Variants in BAIAP3 observed in about 807,000 individuals in gnomAD.
BAIAP3 encodes BAI1 associated protein 3, also known as BAI1-associated protein 3.
Under a neutral mutation model 149.7 loss-of-function variants are expected in BAIAP3, and 180 were observed. That is an observed-to-expected ratio of 1.20 (90% CI 1.07 to 1.36). The LOEUF is 1.36. BAIAP3 is among the 40% of genes most tolerant of loss of function. The probability of loss-of-function intolerance (pLI) is 0.00; values close to 1 mark genes in which losing one functional copy is unlikely to be tolerated. For missense variants in BAIAP3, 1,767 were observed against 1,563.4 expected (o/e 1.13, Z -2.20); for synonymous variants, 845 against 670.7 (o/e 1.26, Z -4.02).
chr16:1,347,147 A>G (rs1363826225), intron 28 of BAIAP3, 151 bp from the exon 29 acceptor site: 1 of 927,636 alleles, frequency 1.1e-6, no homozygotes. Context: ...GCTTCCTGGG[A>G]GCTTCCGATG....
At chr16:1,336,711 T>G (rs2033478653) in intron 1 of BAIAP3, among the ~76,000 whole-genome samples, 1 of 152,196 alleles carries the variant, frequency 6.6e-6, no homozygotes. Flanking sequence ...ATGAGTCTAG[T>G]GCCACTGTGG....
chr16:1,340,502 C>T (rs1280491758), intron 5 of BAIAP3, among the ~76,000 whole-genome samples: 2 of 148,780 alleles, frequency 1.3e-5, no homozygotes, highest in Non-Finnish European at 3.0e-5. Flanking sequence ...CACAGACACA[C>T]GCACACAGGC....
In BAIAP3 at chr16:1,339,540, C is replaced by A. The variant is rs762839563; in HGVS notation, c.345C>A (p.Arg115=). 6.2e-7 allele frequency: 1 copy of A among 1,612,582 alleles called. No individual in the cohort carries two copies. The highest frequency in any genetic ancestry group is 2.2e-5 in the East Asian group (1 of 44,878). ...AGGCCCTGTACACGGTGCTTTACCGCGCGGGTACCATGGGCCCTGACCAGG... is the reference window on the plus strand; with the variant it reads ...AGGCCCTGTACACGGTGCTTTACCGAGCGGGTACCATGGGCCCTGACCAGG... The part of the protein sequence containing the change: ...YEEALYTVLY[R]AGTMGPDQVD... Residue 115 remains arginine, a synonymous_variant, in exon 5 of 34, where the codon CGC becomes CGA. Transcript: ENST00000426824.
In BAIAP3 at chr16:1,345,842, G is replaced by A. The variant is rs575867302; in HGVS notation, c.2160G>A (p.Ala720=). 2.3e-5 allele frequency: 36 copies of A among 1,579,572 alleles called. No homozygotes were observed. The Admixed American group carries it at 2.4e-4, about 10-fold the overall frequency. Residue 720 remains alanine, a synonymous_variant, in exon 23 of 34, where the codon GCG becomes GCA. Coordinates refer to ENST00000426824, the MANE Select transcript of BAIAP3 (RefSeq NM_001199097.2). Reference sequence around the variant, plus strand: ...TCCAGGAGTTGTGGGTGCGCCTGGCGTGGCCTGACCCTGCCCAGGCTCAGG... The same window carrying A: ...TCCAGGAGTTGTGGGTGCGCCTGGCATGGCCTGACCCTGCCCAGGCTCAGG... The part of the protein sequence containing the change: ...SHIQELWVRL[A]WPDPAQAQGL...
At position 1,343,393 on chromosome 16, in the gene BAIAP3, G is replaced by T. The variant is rs1344382671; in HGVS notation, c.1266G>T (p.Leu422=). The T allele has an allele frequency of 6.4e-7, 1 of 1,570,908 alleles. No homozygotes were observed. Among genetic ancestry groups the T allele is most frequent in the Non-Finnish European group, 8.6e-7 (1 of 1,160,012 alleles). Residue 422 remains leucine, a splice_region_variant and synonymous_variant, in exon 15 of 34, where the codon CTG becomes CTT. Transcript: ENST00000426824. ...TTTGACCATGGGCCGGGCCCCACAGGCACTGGCAGGTCAGCAGCCGCCACC... is the reference window on the plus strand; with the variant it reads ...TTTGACCATGGGCCGGGCCCCACAGTCACTGGCAGGTCAGCAGCCGCCACC... ...SNLSPLQLAV[L]HWQVSSRHHQ...
chr16:1,348,630 T>A lies in BAIAP3; in HGVS notation c.*148T>A. 1 of 766,740 alleles carries A rather than the reference T, an allele frequency of 1.3e-6. No individual in the cohort carries two copies. Among genetic ancestry groups the A allele is most frequent in the Non-Finnish European group, 2.1e-6 (1 of 468,388 alleles). The allele number at this position is 766,740 out of a possible 1,614,324, so 47.5% of individuals were successfully genotyped here. A position where few individuals can be genotyped will look rare whatever the true frequency, so the allele number is the denominator to read the frequency against. On this transcript the variant is annotated 3_prime_UTR_variant, in exon 34 of 34. Coordinates refer to ENST00000426824, the MANE Select transcript of BAIAP3 (RefSeq NM_001199097.2). ...GTGTCGTGGCTGGCCCCGCGGCGCCTACCGCCCTGGCCGTGTCTGTCTGGT... is the reference window on the plus strand; with the variant it reads ...GTGTCGTGGCTGGCCCCGCGGCGCCAACCGCCCTGGCCGTGTCTGTCTGGT...
intron 1 of BAIAP3, among the ~76,000 whole-genome samples, chr16:1,335,078 A>G (rs970924375): frequency 6.6e-6 from 1 of 152,168 alleles, no homozygotes; most frequent in East Asian, 1.9e-4. Flanking sequence ...CACTGCCCCC[A>G]ACCCTGAGCC....
intron 17 of BAIAP3, 43 bp downstream of exon 17, chr16:1,344,360 C>T (rs1247482091): frequency 1.9e-6 from 3 of 1,611,416 alleles, no homozygotes; most frequent in Non-Finnish European, 2.5e-6. Flanking sequence ...TAAGCCCTCC[C>T]TTCCCCTTCC....
intron 15 of BAIAP3, 21 bp downstream of exon 15, chr16:1,343,534 C>T: frequency 6.2e-7 from 1 of 1,604,202 alleles, no homozygotes; most frequent in Non-Finnish European, 8.5e-7. Flanking sequence ...CCGGGACCTT[C>T]TTGCCAGCCA....
intron 28 of BAIAP3, 40 bp from the exon 29 acceptor site, chr16:1,347,258 C>T (rs1192239175): frequency 1.3e-6 from 2 of 1,598,852 alleles, no homozygotes; most frequent in Non-Finnish European, 1.7e-6. Context: ...CCAGCACAAG[C>T]CAGGCTCCCT....
intron 15 of BAIAP3, 35 bp from the exon 16 acceptor site, chr16:1,343,987 G>A (rs969792293): frequency 1.9e-6 from 3 of 1,609,630 alleles, no homozygotes; most frequent in East Asian, 2.2e-5. Flanking sequence ...GTGGCCGGTC[G>A]GGGCTGCTGG....
intron 1 of BAIAP3, among the ~76,000 whole-genome samples, chr16:1,334,166 C>A (rs571149290): frequency 6.6e-6 from 1 of 151,952 alleles, no homozygotes; most frequent in African/African-American, 2.4e-5. Flanking sequence ...CGGGCTGCAC[C>A]CCCCAGCGTC....
At chr16:1,338,365 T>C (rs999975003) in intron 1 of BAIAP3, among the ~76,000 whole-genome samples, 175 bp from the exon 2 acceptor site, 2 of 152,028 alleles carry the variant, frequency 1.3e-5, no homozygotes, top group African/African-American at 2.4e-5. Context: ...CCAGCAGGTG[T>C]GGGGACAGGA....
rs199672033 is a variant in BAIAP3, at chr16:1,342,773, C to T, written c.1120C>T (p.Leu374=). The change falls in exon 13 of 34, where the codon CTG becomes TTG. Residue 374 remains leucine, a synonymous_variant. Transcript: ENST00000426824. The stretch of plus-strand genomic sequence containing the variant: ...ATCCGGCTTCCTGTCCCACCTGCTG[C>T]TGCTCAGCCATCTGCTGCGGTTGGA... ...GRSGFLSHLL[L]LSHLLRLEHS... is the part of the protein sequence containing the mutation. 3 of 1,612,672 alleles carry T rather than the reference C, an allele frequency of 1.9e-6. No homozygotes were observed. In the Admixed American group the frequency reaches 5.0e-5, roughly 27 times the overall value.
Position 1,348,797 on chromosome 16 carries a change from C to A in BAIAP3, c.*315C>A, listed in dbSNP as rs570748491. The A allele has an allele frequency of 8.3e-6, 4 of 481,914 alleles. No homozygotes were observed. In the East Asian group the frequency reaches 1.5e-4, roughly 18 times the overall value. 29.9% of individuals were successfully genotyped at this position (481,914 alleles called of 1,614,324 possible). ...CTCCCTGCCCGCTTCCTTGGGCTCC[C>A]CGGCCCTGGGTGGGCGGTGGGCAGC... On this transcript the variant is annotated 3_prime_UTR_variant, in exon 34 of 34. Coordinates refer to ENST00000426824, the MANE Select transcript of BAIAP3 (RefSeq NM_001199097.2).
intron 5 of BAIAP3, among the ~76,000 whole-genome samples, chr16:1,340,444 CAGGTTG>C (rs2033842133): frequency 9.7e-6 from 1 of 103,242 alleles, no homozygotes; most frequent in Non-Finnish European, 2.4e-5. Flanking sequence ...GACATGCACA[CAGGTTG>C]CAGGTGCACA....
At chr16:1,342,357 G>T (rs773087108) in intron 11 of BAIAP3, 74 bp downstream of exon 11, 15 of 1,495,830 alleles carry the variant, frequency 1.0e-5, no homozygotes, top group Non-Finnish European at 1.4e-5. Flanking sequence ...CAAGGGGCAG[G>T]GCACTGCCTG....
intron 1 of BAIAP3, among the ~76,000 whole-genome samples, chr16:1,337,491 T>G (rs2033538961): frequency 6.6e-6 from 1 of 152,244 alleles, no homozygotes; most frequent in African/African-American, 2.4e-5. Context: ...GCAACTCACT[T>G]GAACCTGGAG....
chr16:1,342,066 A>T lies in BAIAP3; in HGVS notation c.854+3A>T. 7 of 1,600,154 alleles carry T rather than the reference A, an allele frequency of 4.4e-6. No individual in the cohort carries two copies. Among genetic ancestry groups the T allele is most frequent in the Non-Finnish European group, 6.0e-6 (7 of 1,173,272 alleles). On this transcript the variant is annotated splice_donor_region_variant and intron_variant, in intron 10 of 33. Transcript: ENST00000426824. ...ATCGGCCTGAAGGGCATGGGCAGGTATGACTGCTGGGACCTTTCTACCCAT... is the reference window on the plus strand; with the variant it reads ...ATCGGCCTGAAGGGCATGGGCAGGTTTGACTGCTGGGACCTTTCTACCCAT...
Sources: gnomAD v4.1 joint callset for allele counts (sites outside exome capture counted in the v4.1 genomes callset) on GRCh38, gnomAD v4.1.1 for gene constraint, MANE v1.5 for transcripts, NCBI Gene and HGNC (gene_info 2026-07-23, HGNC 2026-07-21) for gene names.